Variants in DMD observed in about 807,000 individuals in gnomAD.
DMD encodes mutant dystrophin.
Under a neutral mutation model 330.1 loss-of-function variants are expected in DMD, and 63 were observed. The ratio of observed to expected loss-of-function variants is 0.19; its 90% CI spans 0.16 to 0.24. The LOEUF (loss-of-function observed/expected upper bound fraction) is 0.24. Ranked by LOEUF, DMD falls within the 10% of genes least tolerant of loss-of-function variation. The pLI, the probability that DMD is intolerant of heterozygous loss-of-function variation, is 1.00. For missense variants in DMD, 3,344 were observed against 2,684.1 expected (o/e 1.25, Z -5.43); for synonymous variants, 1,223 against 959.8 (o/e 1.27, Z -5.07).
chrX:32,787,584 A>G (rs937703532), intron 7 of DMD, among the ~76,000 whole-genome samples: 2 of 111,529 alleles, frequency 1.8e-5, no homozygotes, highest in African/African-American at 6.5e-5. Flanking sequence ...CATACCTATG[A>G]TAAAATTTAA....
At chrX:33,022,732 G>A (rs1480042390) in intron 1 of DMD, among the ~76,000 whole-genome samples, 1 of 111,333 alleles carries the variant, frequency 9.0e-6, no homozygotes, top group East Asian at 2.8e-4. Flanking sequence ...CAGATTTTCT[G>A]AATCAAAGTC....
intron 54 of DMD, among the ~76,000 whole-genome samples, chrX:31,632,635 C>T (rs2079193247): frequency 2.7e-5 from 3 of 110,936 alleles, no homozygotes; most frequent in Non-Finnish European, 5.7e-5. Context: ...TATTTTGTTC[C>T]TTTTTTTGGT....
chrX:31,363,644 C>T (rs1198962326), intron 60 of DMD, among the ~76,000 whole-genome samples: 2 of 111,739 alleles, frequency 1.8e-5, no homozygotes, highest in East Asian at 2.8e-4. Context: ...TCCCAAAGTA[C>T]TGGGATTACA....
chrX:32,122,871 T>C (rs1391619599), intron 44 of DMD, among the ~76,000 whole-genome samples: 1 of 110,986 alleles, frequency 9.0e-6, no homozygotes, highest in African/African-American at 3.3e-5. Context: ...TCTTCTCACA[T>C]TGAACATTAC....
intron 41 of DMD, among the ~76,000 whole-genome samples, chrX:32,335,992 GTGTATATATAA>G (rs1569558536): frequency 7.2e-5 from 2 of 27,637 alleles, no homozygotes; most frequent in Non-Finnish European, 2.0e-4. Flanking sequence ...TATATATAAC[GTGTATATATAA>G]CGTTATATAT....
chrX:31,288,338 A>T (rs778835620), intron 62 of DMD, among the ~76,000 whole-genome samples: 2 of 111,914 alleles, frequency 1.8e-5, no homozygotes, highest in African/African-American at 3.3e-5. Context: ...TCACCAGTTA[A>T]GTCTGTGGGA....
At chrX:31,640,927 T>A (rs769075259) in intron 54 of DMD, among the ~76,000 whole-genome samples, 101 of 112,188 alleles carry the variant, frequency 9.0e-4, no homozygotes, top group Non-Finnish European at 1.7e-3. Flanking sequence ...AGTGTCCTTA[T>A]GCGCTGTCTT....
intron 44 of DMD, among the ~76,000 whole-genome samples, chrX:32,090,860 T>G (rs1376788154): frequency 9.0e-6 from 1 of 111,444 alleles, no homozygotes; most frequent in African/African-American, 3.3e-5. Flanking sequence ...CAGGCCATCC[T>G]ATGAGGTGCT....
In DMD at chrX:31,904,537, C is replaced by A. The variant is rs749084157; in HGVS notation, c.6912+25059G>T. On this transcript the variant is annotated intron_variant, in intron 47 of 78. Transcript: ENST00000357033. ...GCTAGCAATTTCACTCTTTCTCTGT[C>A]TCTTTCCCCCCTCCCCCACTTTCTC... 4.5e-5 allele frequency among the ~76,000 whole-genome samples: 5 copies of A among 112,050 alleles called. No homozygotes were observed. The South Asian group carries it at 1.5e-3, about 33-fold the overall frequency.
intron 34 of DMD, among the ~76,000 whole-genome samples, chrX:32,367,638 G>A (rs959556416): frequency 1.8e-5 from 2 of 111,965 alleles, no homozygotes; most frequent in Non-Finnish European, 3.8e-5. Flanking sequence ...GTTGCAGGTA[G>A]TTCCTGGGTC....
chrX:31,698,218 G>A (rs1282997829), intron 52 of DMD, among the ~76,000 whole-genome samples: 2 of 111,838 alleles, frequency 1.8e-5, no homozygotes, highest in African/African-American at 6.5e-5. Flanking sequence ...GGTCATTTGA[G>A]TGAGTGAAGA....
chrX:31,317,266 T>G (rs754719297), intron 62 of DMD, among the ~76,000 whole-genome samples: 3 of 111,637 alleles, frequency 2.7e-5, no homozygotes, highest in Non-Finnish European at 5.6e-5. Flanking sequence ...AATTCAAGTC[T>G]TGCGATGCCT....
chrX:33,303,733 T>C (rs1029918394), intron 1 of DMD, among the ~76,000 whole-genome samples: 2 of 111,567 alleles, frequency 1.8e-5, no homozygotes, highest in Non-Finnish European at 3.8e-5. Context: ...GCTGCCGCCA[T>C]GTGATGAGGA....
rs184145785 is a variant in DMD, at chrX:32,526,516, C to G, written c.2169-8385G>C. Among the ~76,000 whole-genome samples, 330 of 110,355 alleles carry G rather than the reference C, an allele frequency of 3.0e-3. 3 individuals carry two copies. Among genetic ancestry groups the G allele is most frequent in the African/African-American group, 9.9e-3 (300 of 30,355 alleles). On this transcript the variant is annotated intron_variant, in intron 17 of 78. Coordinates refer to ENST00000357033, the MANE Select transcript of DMD (RefSeq NM_004006.3). ...TTGGAAGTTTCAAAATATCAAAAGCCTGGGGCATATATACCAAATATTCAG... is the reference window on the plus strand; with the variant it reads ...TTGGAAGTTTCAAAATATCAAAAGCGTGGGGCATATATACCAAATATTCAG...
intron 58 of DMD, among the ~76,000 whole-genome samples, chrX:31,478,759 T>C (rs2068014637): frequency 8.9e-6 from 1 of 112,436 alleles, no homozygotes; most frequent in South Asian, 3.7e-4. Context: ...CAATAACTGA[T>C]TGCTAATCTC....
rs773585669 is a variant in DMD at position 31,775,686 on chromosome X, TA to T, written c.7310-1495del. Among the ~76,000 whole-genome samples, 4 of 110,078 alleles carry T rather than the reference TA, an allele frequency of 3.6e-5. No individual in the cohort carries two copies. In the East Asian group the frequency reaches 8.6e-4, roughly 24 times the overall value. ...AACCAGTGAACGATTCTAAGAATAT[TA>T]AAAAAAAATGAGACATTGAATTTTC... On this transcript the variant is annotated intron_variant, in intron 50 of 78. Coordinates refer to ENST00000357033, the MANE Select transcript of DMD (RefSeq NM_004006.3).
In DMD at chrX:32,663,200, C is replaced by T. The variant is rs770032960; in HGVS notation, c.961-18048G>A. On this transcript the variant is annotated intron_variant, in intron 9 of 78. Coordinates refer to ENST00000357033, the MANE Select transcript of DMD (RefSeq NM_004006.3). ...TGCCATCAGCACAGGGATATCTATC[C>T]TTGCCTTGAGGAGAAATAAGGGAAT... Among the ~76,000 whole-genome samples, 73 of 111,492 alleles carry T rather than the reference C, an allele frequency of 6.5e-4. 1 individual carries two copies. Among genetic ancestry groups the T allele is most frequent in the Non-Finnish European group, 8.7e-4 (46 of 53,050 alleles).
intron 48 of DMD, among the ~76,000 whole-genome samples, chrX:31,851,942 A>C (rs1225238662): frequency 9.0e-6 from 1 of 111,232 alleles, no homozygotes; most frequent in Non-Finnish European, 1.9e-5. Context: ...AGGAAAGAAC[A>C]ATCTGTGCAG....
At chrX:31,718,108 A>AT (rs1403993168) in intron 52 of DMD, among the ~76,000 whole-genome samples, 2 of 112,226 alleles carry the variant, frequency 1.8e-5, no homozygotes, top group Non-Finnish European at 3.8e-5. Context: ...AAAATAGAAA[A>AT]TTCTGTATAC....
Sources: allele counts gnomAD v4.1 joint callset (sites outside exome capture counted in the v4.1 genomes callset), GRCh38; gene constraint gnomAD v4.1.1; transcripts MANE v1.5; gene names NCBI Gene and HGNC (gene_info 2026-07-23, HGNC 2026-07-21).